Variants in CNTLN observed in about 807,000 individuals in gnomAD.
CNTLN encodes the protein centlein, centrosomal protein.
A neutral mutation model predicts 180.0 loss-of-function variants in CNTLN; 212 were observed. The observed-to-expected ratio is 1.18, with a 90% confidence interval of 1.05 to 1.32. The LOEUF (loss-of-function observed/expected upper bound fraction) is 1.32, where lower values mean the gene tolerates loss of function less well. Among genes scored for constraint, CNTLN ranks in the 40% most tolerant of loss-of-function variants. CNTLN has a pLI of 0.00. For missense variants in CNTLN, 2,095 were observed against 1,610.9 expected (o/e 1.30, Z -5.14); for synonymous variants, 722 against 563.1 (o/e 1.28, Z -3.99).
intron 2 of CNTLN, among the ~76,000 whole-genome samples, chr9:17,177,672 A>G (rs1337984056): frequency 6.6e-6 from 1 of 151,696 alleles, no homozygotes; most frequent in Admixed American, 6.6e-5. Flanking sequence ...AAGGCAGCAC[A>G]TCCGGAGTTG....
chr9:17,143,455 C>A, intron 2 of CNTLN, 79 bp downstream of exon 2: 2 of 961,262 alleles, frequency 2.1e-6, no homozygotes, highest in Non-Finnish European at 1.6e-6. Context: ...TAGTACTTAT[C>A]ATTAATCTCC....
intron 2 of CNTLN, among the ~76,000 whole-genome samples, chr9:17,184,586 TG>T (rs1394919015): frequency 6.6e-6 from 1 of 152,122 alleles, no homozygotes; most frequent in Non-Finnish European, 1.5e-5. Context: ...TGAATTGTAT[TG>T]GGGGAGAAGT....
intron 18 of CNTLN, chr9:17,447,552 A>T (rs116414789): frequency 0.018 from 2,786 of 154,172 alleles, 86 homozygotes; most frequent in African/African-American, 0.063. Context: ...TATCAGCAGG[A>T]CTCACAGTTT....
At chr9:17,149,425 C>T (rs953564892) in intron 2 of CNTLN, among the ~76,000 whole-genome samples, 1 of 152,058 alleles carries the variant, frequency 6.6e-6, no homozygotes, top group Admixed American at 6.5e-5. Context: ...CTAATTTACA[C>T]CCCCACCAAC....
intron 12 of CNTLN, among the ~76,000 whole-genome samples, chr9:17,353,286 CTTTTT>C (rs36048699): frequency 7.8e-6 from 1 of 127,572 alleles, no homozygotes. Flanking sequence ...AACTGCCAAA[CTTTTT>C]TTTTTTTTTT....
At chr9:17,279,070 A>C (rs1014857031) in intron 6 of CNTLN, among the ~76,000 whole-genome samples, 2 of 152,080 alleles carry the variant, frequency 1.3e-5, no homozygotes, top group Non-Finnish European at 2.9e-5. Flanking sequence ...CTGATACGAA[A>C]AACCTTGGCG....
At chr9:17,215,083 C>G (rs987658499) in intron 2 of CNTLN, among the ~76,000 whole-genome samples, 1 of 152,202 alleles carries the variant, frequency 6.6e-6, no homozygotes, top group East Asian at 1.9e-4. Context: ...CAGCTTTGTT[C>G]CGTTGCTGGC....
intron 6 of CNTLN, among the ~76,000 whole-genome samples, chr9:17,294,381 A>C (rs1272642144): frequency 6.6e-6 from 1 of 151,262 alleles, no homozygotes; most frequent in Non-Finnish European, 1.5e-5. Context: ...CAGGGTGCTG[A>C]TTGGTGCGTT....
chr9:17,293,073 T>C (rs181975133), intron 6 of CNTLN, among the ~76,000 whole-genome samples: 95 of 152,322 alleles, frequency 6.2e-4, no homozygotes, highest in Non-Finnish European at 1.1e-3. Context: ...CCTATTCACT[T>C]GGGTCCCTTC....
intron 2 of CNTLN, among the ~76,000 whole-genome samples, chr9:17,186,912 T>C (rs1821466898): frequency 6.6e-6 from 1 of 152,070 alleles, no homozygotes; most frequent in African/African-American, 2.4e-5. Flanking sequence ...AAACTGAATT[T>C]GATGGATTAG....
intron 6 of CNTLN, among the ~76,000 whole-genome samples, chr9:17,279,581 T>C (rs949755554): frequency 2.0e-5 from 3 of 151,976 alleles, no homozygotes; most frequent in Non-Finnish European, 4.4e-5. Context: ...GAAAAGCAAA[T>C]GTAATGTGAA....
At chr9:17,367,734 C>T (rs1823949434) in intron 13 of CNTLN, among the ~76,000 whole-genome samples, 1 of 152,110 alleles carries the variant, frequency 6.6e-6, no homozygotes, top group South Asian at 2.1e-4. Flanking sequence ...CATTTCTAGA[C>T]ACATCCTGGG....
chr9:17,441,483 A>G (rs962136977), intron 18 of CNTLN, among the ~76,000 whole-genome samples: 9 of 152,146 alleles, frequency 5.9e-5, no homozygotes, highest in Admixed American at 3.3e-4. Flanking sequence ...TTATGAGCTT[A>G]AAAGATTGTT....
chr9:17,257,311 AT>A (rs879530496), intron 5 of CNTLN, among the ~76,000 whole-genome samples: 442 of 152,188 alleles, frequency 2.9e-3, no homozygotes, highest in Non-Finnish European at 4.9e-3. Context: ...TGAACTCATC[AT>A]TTTTTAAGGC....
chr9:17,469,942 A>G (rs1456162787), intron 23 of CNTLN, among the ~76,000 whole-genome samples: 1 of 151,904 alleles, frequency 6.6e-6, no homozygotes, highest in East Asian at 1.9e-4. Context: ...GTGAGAATTT[A>G]AGTAAGTTAC....
chr9:17,191,850 G>T (rs373730349), intron 2 of CNTLN, among the ~76,000 whole-genome samples: 13 of 152,172 alleles, frequency 8.5e-5, no homozygotes, highest in African/African-American at 2.7e-4. Context: ...TTTATTGTGA[G>T]GATGTGTAAG....
chr9:17,161,828 A>G (rs1819700808), intron 2 of CNTLN, among the ~76,000 whole-genome samples: 1 of 152,168 alleles, frequency 6.6e-6, no homozygotes, highest in Non-Finnish European at 1.5e-5. Context: ...TCAGGAAGTG[A>G]ATTACTGTGT....
At chr9:17,288,780 T>G (rs1829164064) in intron 6 of CNTLN, among the ~76,000 whole-genome samples, 1 of 136,180 alleles carries the variant, frequency 7.3e-6, no homozygotes, top group African/African-American at 3.1e-5. Flanking sequence ...TTTGTCTCTT[T>G]TGATCTTTGT....
At chr9:17,393,091 A>G (rs1231543882) in intron 14 of CNTLN, among the ~76,000 whole-genome samples, 2 of 152,162 alleles carry the variant, frequency 1.3e-5, no homozygotes, top group African/African-American at 2.4e-5. Flanking sequence ...GTGTCTTGTG[A>G]GGACTCTCTT....
Sources: allele counts gnomAD v4.1 joint callset (sites outside exome capture counted in the v4.1 genomes callset), GRCh38; gene constraint gnomAD v4.1.1; transcripts MANE v1.5; gene names NCBI Gene and HGNC (gene_info 2026-07-23, HGNC 2026-07-21).